ETV6: variants seen among roughly 807,000 people sequenced by gnomAD.
ETV6 encodes ETS variant transcription factor 6.
In ETV6, 16 loss-of-function variants were observed where a neutral mutation model predicts 51.1. That is an observed-to-expected ratio of 0.31 (90% CI 0.21 to 0.48). The LOEUF (loss-of-function observed/expected upper bound fraction) is 0.48, where lower values mean the gene tolerates loss of function less well. Among genes scored for constraint, ETV6 ranks in the 20% least tolerant of loss-of-function variants. ETV6 has a pLI of 0.99. For synonymous variants in ETV6, 240 were observed against 224.1 expected, an observed-to-expected ratio of 1.07 and a Z score of -0.64; for missense variants, 458 against 594.8, an observed-to-expected ratio of 0.77 and a Z score of 2.39.
intron 1 of ETV6, among the ~76,000 whole-genome samples, chr12:11,740,120 C>T (rs889316682): frequency 6.6e-6 from 1 of 152,220 alleles, no homozygotes; most frequent in Admixed American, 6.5e-5. Flanking sequence ...AAACTACATT[C>T]GTGCGTAGTA....
intron 2 of ETV6, among the ~76,000 whole-genome samples, chr12:11,811,275 G>T (rs1451461449): frequency 6.6e-6 from 1 of 152,204 alleles, no homozygotes; most frequent in East Asian, 1.9e-4. Flanking sequence ...ATAAAGCTTG[G>T]CAATCAATAG....
rs141812392 is a variant in ETV6, at chr12:11,675,718, G to T, written c.33+25558G>T. On this transcript the variant is annotated intron_variant, in intron 1 of 7. Coordinates refer to ENST00000396373, the MANE Select transcript of ETV6 (RefSeq NM_001987.5). ...AGTCCCAGTTACCCAGGAGGCTGGG[G>T]CAGTAGGATCCCCTGAGTCTAGGAG... 2.7e-3 allele frequency among the ~76,000 whole-genome samples: 408 copies of T among 152,218 alleles called. 2 individuals are homozygous for T. The highest frequency in any genetic ancestry group is 9.4e-3 in the African/African-American group (392 of 41,522).
chr12:11,874,997 TAACA>T (rs1455935520), intron 5 of ETV6, among the ~76,000 whole-genome samples: 1 of 151,524 alleles, frequency 6.6e-6, no homozygotes, highest in African/African-American at 2.4e-5. Context: ...TATACATATG[TAACA>T]AACCTGCACA....
rs1865679674 is a variant in ETV6, at chr12:11,735,127, C to T, written c.34-17323C>T. ...TTTTTTTTTTTACTAATACTAGGTC[C>T]TGCTTCCAAGCCTCCTATTTCTTCA... On this transcript the variant is annotated intron_variant, in intron 1 of 7. Coordinates refer to ENST00000396373, the MANE Select transcript of ETV6 (RefSeq NM_001987.5). 2.5e-5 allele frequency among the ~76,000 whole-genome samples: 3 copies of T among 120,736 alleles called. No individual in the cohort carries two copies. In the Admixed American group the frequency reaches 3.0e-4, roughly 12 times the overall value. The allele number at this position is 120,736 out of a possible 152,430, so 79.2% of individuals were successfully genotyped here.
rs1947280256 is a variant in ETV6, at chr12:11,891,107, G to T, written c.*61G>T. On this transcript the variant is annotated 3_prime_UTR_variant, in exon 8 of 8. Coordinates refer to ENST00000396373, the MANE Select transcript of ETV6 (RefSeq NM_001987.5). ...CAGGGAACCCCTGCCCACCAGGATT[G>T]CTGGAAGTGTGACGGAGCAGGCGGG... 7.3e-7 allele frequency: 1 copy of T among 1,363,348 alleles called. No individual in the cohort carries two copies. The highest frequency in any genetic ancestry group is 1.4e-5 in the African/African-American group (1 of 69,226). 84.5% of individuals were successfully genotyped at this position (1,363,348 alleles called of 1,614,324 possible).
chr12:11,856,439 A>G (rs573793869), intron 4 of ETV6, among the ~76,000 whole-genome samples: 21 of 152,340 alleles, frequency 1.4e-4, no homozygotes, highest in African/African-American at 4.8e-4. Context: ...AAGGTCTGAG[A>G]GCATGTCCGG....
In ETV6 at chr12:11,869,611, A is replaced by C; in HGVS notation, c.651A>C (p.Arg217Ser). The C allele has an allele frequency of 6.2e-7, 1 of 1,613,996 alleles. No individual in the cohort carries two copies. The highest frequency in any genetic ancestry group is 8.5e-7 in the Non-Finnish European group (1 of 1,179,988). Residue 217 changes from arginine (R) to serine (S), a missense_variant, in exon 5 of 8, where the codon AGA (arginine) becomes AGC (serine). Transcript: ENST00000396373. This position sits in a 1 kb window ranked among gnomAD's most constrained non-coding sequence, Gnocchi z 5.0. ...TCCGCCGCCTCTCCCCGGCTGAGAGAGCTCAGGGACCCAGGCCGCACCAGG... is the reference window on the plus strand; with the variant it reads ...TCCGCCGCCTCTCCCCGGCTGAGAGCGCTCAGGGACCCAGGCCGCACCAGG... ...NMIRRLSPAE[R>S]AQGPRPHQEN...
chr12:11,740,142 C>T (rs551789781), intron 1 of ETV6, among the ~76,000 whole-genome samples: 11 of 152,224 alleles, frequency 7.2e-5, no homozygotes, highest in Non-Finnish European at 1.2e-4. Context: ...GAATTTGTGC[C>T]TGCTGGGTCC....
At chr12:11,719,957 G>A (rs1375380428) in intron 1 of ETV6, among the ~76,000 whole-genome samples, 1 of 152,228 alleles carries the variant, frequency 6.6e-6, no homozygotes, top group Non-Finnish European at 1.5e-5. Flanking sequence ...ATCCGGGAAG[G>A]AAAGGCATCT....
intron 1 of ETV6, among the ~76,000 whole-genome samples, chr12:11,655,622 A>G (rs71455399): frequency 0.048 from 7,330 of 152,362 alleles, 193 homozygotes; most frequent in Admixed American, 0.068. Context: ...GGTAGAAACT[A>G]GTGCTACGAT....
chr12:11,664,902 C>G (rs903014824), intron 1 of ETV6, among the ~76,000 whole-genome samples: 2 of 152,232 alleles, frequency 1.3e-5, no homozygotes, highest in African/African-American at 4.8e-5. Context: ...TCTTGTTACT[C>G]TCTGTCTCAC....
intron 2 of ETV6, among the ~76,000 whole-genome samples, chr12:11,803,005 A>T (rs1057217607): frequency 6.6e-6 from 1 of 152,194 alleles, no homozygotes; most frequent in Non-Finnish European, 1.5e-5. Context: ...AACGTCTTGT[A>T]AGTGCTTGAT....
intron 1 of ETV6, among the ~76,000 whole-genome samples, chr12:11,650,872 AACC>A (rs1230106397): frequency 1.3e-5 from 2 of 152,246 alleles, no homozygotes; most frequent in African/African-American, 4.8e-5. Context: ...AGAACTAAGC[AACC>A]AGGCAAAATG....
At chr12:11,761,037 C>T (rs1945079442) in intron 2 of ETV6, among the ~76,000 whole-genome samples, 1 of 151,980 alleles carries the variant, frequency 6.6e-6, no homozygotes, top group Non-Finnish European at 1.5e-5. Context: ...TCAGGTAAAC[C>T]ACTTGCCCGA....
At position 11,859,127 on chromosome 12, in the gene ETV6, T is replaced by C. The variant is rs1389596197; in HGVS notation, c.463+5566T>C. 3.2e-3 allele frequency among the ~76,000 whole-genome samples: 46 copies of C among 14,174 alleles called. 11 individuals are homozygous for C. The highest frequency in any genetic ancestry group is 8.2e-3 in the East Asian group (3 of 368). The allele number at this position is 14,174 out of a possible 152,430, so 9.3% of individuals were successfully genotyped here. On this transcript the variant is annotated intron_variant, in intron 4 of 7. Transcript: ENST00000396373. ...TGAGGTATATGAATCTGGTTTTTTT[T>C]TTTTTTTTTTTTTTTTTTTTTTTTT... is the stretch of plus-strand genomic sequence containing the variant.
intron 4 of ETV6, among the ~76,000 whole-genome samples, chr12:11,856,442 A>G (rs988012661): frequency 6.6e-6 from 1 of 152,202 alleles, no homozygotes; most frequent in African/African-American, 2.4e-5. Flanking sequence ...GTCTGAGAGC[A>G]TGTCCGGGCG....
chr12:11,664,507 A>G (rs2120661115), intron 1 of ETV6, among the ~76,000 whole-genome samples: 2 of 152,260 alleles, frequency 1.3e-5, no homozygotes, highest in South Asian at 4.2e-4. Flanking sequence ...AGAACCGCCA[A>G]AAGAAGGGTA....
chr12:11,826,791 G>A (rs538415403), intron 2 of ETV6, among the ~76,000 whole-genome samples: 1 of 152,174 alleles, frequency 6.6e-6, no homozygotes, highest in South Asian at 2.1e-4. Context: ...ATAAGCCCAG[G>A]GACAAAGCAT....
At chr12:11,856,064 T>C (rs1338303644) in intron 4 of ETV6, among the ~76,000 whole-genome samples, 8 of 152,286 alleles carry the variant, frequency 5.3e-5, no homozygotes, top group African/African-American at 1.4e-4. Context: ...CTGAGTGTGA[T>C]TGGAGGCTTA....
Sources: gnomAD v4.1 joint callset for allele counts (sites outside exome capture counted in the v4.1 genomes callset) on GRCh38, gnomAD v4.1.1 for gene constraint, Gnocchi (gnomAD v3.1) non-coding constraint, MANE v1.5 for transcripts, NCBI Gene and HGNC (gene_info 2026-07-23, HGNC 2026-07-21) for gene names.